The following TSHR variants were observed in gnomAD, a reference collection of about 807,000 sequenced individuals.
TSHR encodes the protein thyroid stimulating hormone receptor.
Under a neutral mutation model 64.1 loss-of-function variants are expected in TSHR, and 51 were observed. The observed-to-expected ratio is 0.80, with a 90% confidence interval of 0.64 to 1.01. The LOEUF (loss-of-function observed/expected upper bound fraction) is 1.01. TSHR is among the 50% of genes least tolerant of loss of function. TSHR has a pLI of 0.00. For missense variants in TSHR, 877 were observed against 942.8 expected (o/e 0.93, Z 0.91); for synonymous variants, 361 against 361.9 (o/e 1.00, Z 0.03).
At chr14:81,000,422 T>TC (rs112201216) in intron 1 of TSHR, among the ~76,000 whole-genome samples, 20,612 of 152,156 alleles carry the variant, frequency 0.14, 1,731 homozygotes, top group East Asian at 0.38. Flanking sequence ...GCTTTTATTC[T>TC]CTATCCAATT....
In TSHR at chr14:81,144,173, A is replaced by C. The variant is rs375078827; in HGVS notation, c.2115A>C (p.Ala705=). 3.1e-6 allele frequency: 5 copies of C among 1,613,964 alleles called. No individual in the cohort carries two copies. Among genetic ancestry groups the C allele is most frequent in the Middle Eastern group, 1.6e-4 (1 of 6,084 alleles). ...KFGICKRQAQ[A]YRGQRVPPKN... is the part of the protein sequence containing the mutation. ...GCATCTGTAAACGCCAGGCTCAGGCATACCGGGGGCAGAGGGTTCCTCCAA... is the reference window on the plus strand; with the variant it reads ...GCATCTGTAAACGCCAGGCTCAGGCCTACCGGGGGCAGAGGGTTCCTCCAA... Residue 705 remains alanine (A), a synonymous_variant, in exon 10 of 10, where the codon GCA becomes GCC. Transcript: ENST00000298171.
intron 1 of TSHR, among the ~76,000 whole-genome samples, chr14:81,047,837 C>T (rs758531086): frequency 2.0e-5 from 3 of 151,816 alleles, no homozygotes; most frequent in African/African-American, 7.3e-5. Context: ...TAGTTGAGAC[C>T]GGGTTTCACC....
chr14:81,058,963 T>C (rs1254927086), intron 1 of TSHR, among the ~76,000 whole-genome samples: 1 of 152,074 alleles, frequency 6.6e-6, no homozygotes, highest in Non-Finnish European at 1.5e-5. Flanking sequence ...TAAAAACAGA[T>C]AGATGACAAA....
At chr14:80,990,263 T>C (rs1221133465) in intron 1 of TSHR, among the ~76,000 whole-genome samples, 1 of 152,250 alleles carries the variant, frequency 6.6e-6, no homozygotes, top group East Asian at 1.9e-4. Flanking sequence ...GCAGGGAATG[T>C]GGCAAGTGGT....
chr14:81,114,165 G>T (rs115982074), intron 8 of TSHR, among the ~76,000 whole-genome samples: 4,532 of 151,646 alleles, frequency 0.03, 198 homozygotes, highest in African/African-American at 0.094. Context: ...AGTATCACTG[G>T]GGGGGAGGAG....
intron 1 of TSHR, among the ~76,000 whole-genome samples, chr14:80,967,567 A>G (rs544580490): frequency 3.3e-4 from 50 of 152,110 alleles, no homozygotes; most frequent in African/African-American, 1.2e-3. Context: ...TTACAAGTGT[A>G]AGCCACCCCG....
At chr14:81,085,550 A>G (rs1464147514) in intron 3 of TSHR, among the ~76,000 whole-genome samples, 1 of 151,670 alleles carries the variant, frequency 6.6e-6, no homozygotes, top group African/African-American at 2.4e-5. Flanking sequence ...TCCAGCCTCC[A>G]TGTAAGTTGC....
intron 7 of TSHR, among the ~76,000 whole-genome samples, chr14:81,097,518 C>T (rs527492695): frequency 2.0e-5 from 3 of 152,226 alleles, no homozygotes; most frequent in South Asian, 2.1e-4. Context: ...GATTTGGCCT[C>T]GGGATTCCAT....
chr14:81,009,566 T>C (rs1889800736), intron 1 of TSHR, among the ~76,000 whole-genome samples: 1 of 152,188 alleles, frequency 6.6e-6, no homozygotes, highest in South Asian at 2.1e-4. Context: ...TTATCATATC[T>C]GCCCACAACC....
intron 1 of TSHR, among the ~76,000 whole-genome samples, chr14:80,978,628 G>GTAGA (rs1435136328): frequency 1.3e-5 from 2 of 152,218 alleles, no homozygotes; most frequent in Non-Finnish European, 2.9e-5. Context: ...CCCGGGAAGA[G>GTAGA]TAGAGCCTTG....
chr14:81,140,548 T>G (rs1432627081), intron 9 of TSHR, among the ~76,000 whole-genome samples: 1 of 152,316 alleles, frequency 6.6e-6, no homozygotes, highest in East Asian at 1.9e-4. Flanking sequence ...ATATACAGTA[T>G]GTGCACATCA....
At chr14:81,021,921 A>T (rs1379913360) in intron 1 of TSHR, among the ~76,000 whole-genome samples, 1 of 152,170 alleles carries the variant, frequency 6.6e-6, no homozygotes, top group Non-Finnish European at 1.5e-5. Context: ...ATTACTCAAT[A>T]GTTGGCACAT....
intron 1 of TSHR, among the ~76,000 whole-genome samples, chr14:80,996,129 A>G (rs1889008139): frequency 6.6e-6 from 1 of 152,164 alleles, no homozygotes; most frequent in Non-Finnish European, 1.5e-5. Context: ...TTATAATTAT[A>G]ATACATTTTA....
At chr14:81,081,642 T>C (rs1258150260) in intron 3 of TSHR, among the ~76,000 whole-genome samples, 2 of 152,264 alleles carry the variant, frequency 1.3e-5, no homozygotes, top group Non-Finnish European at 2.9e-5. Context: ...TATTATGTGA[T>C]AGAACCCTGT....
rs74919408 is a variant in TSHR at position 80,961,220 on chromosome 14, A to G, written c.170+5370A>G. ...CTTTACTAAGGACTAACTATATCCC[A>G]GACACTGTGTCACACTCTGGACTTA... On this transcript the variant is annotated intron_variant, in intron 1 of 9. Transcript: ENST00000298171. Among the ~76,000 whole-genome samples the G allele has an allele frequency of 5.9e-5, 9 of 152,350 alleles. No individual in the cohort carries two copies. In the East Asian group the frequency reaches 1.7e-3, roughly 29 times the overall value.
chr14:81,108,738 C>T, intron 8 of TSHR: 1 of 1,611,844 alleles, frequency 6.2e-7, no homozygotes, highest in South Asian at 1.1e-5. Flanking sequence ...GTTCATGGAG[C>T]AGCTGCTGTT....
In TSHR at chr14:81,003,050, A is replaced by G. The variant is rs868177860; in HGVS notation, c.170+47200A>G. On this transcript the variant is annotated intron_variant, in intron 1 of 9. Transcript: ENST00000298171. Reference sequence around the variant, plus strand: ...TGTGTCCATGTGATCTCATTGTTCAATTCCCACCTATGAGTGAGAATATGC... The same window carrying G: ...TGTGTCCATGTGATCTCATTGTTCAGTTCCCACCTATGAGTGAGAATATGC... 1.6e-4 allele frequency among the ~76,000 whole-genome samples: 10 copies of G among 61,292 alleles called. 1 individual carries two copies. In the South Asian group the frequency reaches 4.0e-3, roughly 24 times the overall value. The allele number at this position is 61,292 out of a possible 152,430, so 40.2% of individuals were successfully genotyped here.
At chr14:80,971,019 A>G (rs532665966) in intron 1 of TSHR, among the ~76,000 whole-genome samples, 1 of 152,234 alleles carries the variant, frequency 6.6e-6, no homozygotes, top group African/African-American at 2.4e-5. Context: ...TATTTTTAGT[A>G]GAGACGGGTG....
intron 8 of TSHR, among the ~76,000 whole-genome samples, chr14:81,136,791 C>T (rs917205992): frequency 6.6e-6 from 1 of 152,180 alleles, no homozygotes; most frequent in Non-Finnish European, 1.5e-5. Context: ...CAGTTCAGCC[C>T]GAGTGGGACC....
Sources: gnomAD v4.1 joint callset for allele counts (sites outside exome capture counted in the v4.1 genomes callset) on GRCh38, gnomAD v4.1.1 for gene constraint, MANE v1.5 for transcripts, NCBI Gene and HGNC (gene_info 2026-07-23, HGNC 2026-07-21) for gene names.